RFC3: variants seen among roughly 807,000 people sequenced by gnomAD.
RFC3 encodes replication factor C subunit 3.
Under a neutral mutation model 45.1 loss-of-function variants are expected in RFC3, and 41 were observed. The observed-to-expected ratio is 0.91, with a 90% CI of 0.71 to 1.18. RFC3 has a LOEUF of 1.18. Ranked by LOEUF, RFC3 falls within the 50% of genes most tolerant of loss-of-function variation. The pLI, the probability that RFC3 is intolerant of heterozygous loss-of-function variation, is 0.00. For missense variants in RFC3, 423 were observed against 428.1 expected (o/e 0.99, Z 0.10); for synonymous variants, 149 against 144.0 (o/e 1.03, Z -0.25).
intron 8 of RFC3, among the ~76,000 whole-genome samples, chr13:33,869,615 A>T (rs1340349843): frequency 6.6e-6 from 1 of 152,122 alleles, no homozygotes; most frequent in Non-Finnish European, 1.5e-5. Flanking sequence ...CTCCAGTGTG[A>T]GTTCTTTGCC....
chr13:33,827,742 T>C (rs982605596), intron 4 of RFC3, among the ~76,000 whole-genome samples: 8 of 152,334 alleles, frequency 5.3e-5, no homozygotes, highest in Admixed American at 5.2e-4. Context: ...TCCATAAAGA[T>C]GTTATTCTGC....
intron 8 of RFC3, among the ~76,000 whole-genome samples, chr13:33,924,972 G>A (rs932616258): frequency 6.7e-6 from 1 of 149,940 alleles, no homozygotes; most frequent in African/African-American, 2.4e-5. Flanking sequence ...CTTAATCATG[G>A]GTGAGGTGAT....
At chr13:33,868,675 C>T (rs1451453799) in intron 8 of RFC3, among the ~76,000 whole-genome samples, 2 of 152,204 alleles carry the variant, frequency 1.3e-5, no homozygotes, top group East Asian at 3.9e-4. Context: ...AATTCTGTAA[C>T]CAGTGCTCTT....
intron 8 of RFC3, among the ~76,000 whole-genome samples, chr13:33,901,073 C>A (rs1363444709): frequency 6.6e-6 from 1 of 151,746 alleles, no homozygotes; most frequent in Admixed American, 6.6e-5. Context: ...GAGAGGGGGA[C>A]CCCTTATACG....
At chr13:33,917,852 G>T (rs1471777914) in intron 8 of RFC3, among the ~76,000 whole-genome samples, 1 of 151,444 alleles carries the variant, frequency 6.6e-6, no homozygotes, top group Non-Finnish European at 1.5e-5. Context: ...CTTGAATTTT[G>T]TTTAAAAAAA....
chr13:33,939,207 A>C (rs2082908437), intron 8 of RFC3, among the ~76,000 whole-genome samples: 1 of 152,184 alleles, frequency 6.6e-6, no homozygotes, highest in Non-Finnish European at 1.5e-5. Context: ...TTGATGAACA[A>C]ATATTTTTAA....
At chr13:33,827,212 C>G (rs1441908084) in intron 4 of RFC3, among the ~76,000 whole-genome samples, 1 of 152,040 alleles carries the variant, frequency 6.6e-6, no homozygotes, top group Non-Finnish European at 1.5e-5. Flanking sequence ...TTGCTTGAGC[C>G]CAGGAATTCA....
chr13:33,964,209 G>A (rs1438092165), intron 8 of RFC3, among the ~76,000 whole-genome samples: 3 of 152,162 alleles, frequency 2.0e-5, no homozygotes, highest in Non-Finnish European at 4.4e-5. Flanking sequence ...AGGCAATACC[G>A]TTATTGTTTT....
chr13:33,953,449 A>G (rs1490327371), intron 8 of RFC3, among the ~76,000 whole-genome samples: 4 of 152,114 alleles, frequency 2.6e-5, no homozygotes. Flanking sequence ...ATAATGAGAA[A>G]AGTTAAAGCC....
intron 8 of RFC3, among the ~76,000 whole-genome samples, chr13:33,876,987 C>G (rs1392286308): frequency 1.3e-5 from 2 of 152,206 alleles, no homozygotes; most frequent in Non-Finnish European, 2.9e-5. Context: ...TCTTTTTTCA[C>G]TATAACACTT....
chr13:33,934,989 C>G (rs1295779724), intron 8 of RFC3, among the ~76,000 whole-genome samples: 1 of 152,086 alleles, frequency 6.6e-6, no homozygotes, highest in Non-Finnish European at 1.5e-5. Flanking sequence ...ATGAAGACTG[C>G]CTGAAACTCT....
intron 8 of RFC3, among the ~76,000 whole-genome samples, chr13:33,937,065 A>G (rs780592862): frequency 6.6e-5 from 10 of 152,176 alleles, no homozygotes; most frequent in Non-Finnish European, 1.3e-4. Flanking sequence ...TGTATACTAA[A>G]TCATCAGGTT....
intron 8 of RFC3, among the ~76,000 whole-genome samples, chr13:33,931,072 G>A (rs1358671453): frequency 2.0e-5 from 3 of 151,998 alleles, no homozygotes; most frequent in Admixed American, 2.0e-4. Flanking sequence ...GGACTTAGAT[G>A]CTATTAATGT....
At chr13:33,903,122 C>A (rs936589074) in intron 8 of RFC3, among the ~76,000 whole-genome samples, 7 of 152,012 alleles carry the variant, frequency 4.6e-5, no homozygotes, top group Non-Finnish European at 1.5e-5. Flanking sequence ...CAATCCAACC[C>A]CTGCCAAGCT....
chr13:33,948,252 G>A (rs1230030933), intron 8 of RFC3, among the ~76,000 whole-genome samples: 1 of 152,200 alleles, frequency 6.6e-6, no homozygotes, highest in Admixed American at 6.5e-5. Context: ...GTACAGCTCA[G>A]GCCATTGCTT....
chr13:33,925,709 A>G (rs2082807448), intron 8 of RFC3, among the ~76,000 whole-genome samples: 1 of 151,472 alleles, frequency 6.6e-6, no homozygotes, highest in Non-Finnish European at 1.5e-5. Flanking sequence ...ACACACACAC[A>G]TATACATATA....
intron 8 of RFC3, among the ~76,000 whole-genome samples, chr13:33,952,741 G>A (rs935107638): frequency 2.0e-5 from 3 of 152,182 alleles, no homozygotes; most frequent in Non-Finnish European, 4.4e-5. Flanking sequence ...AACAACCTGT[G>A]TGGCATTCTT....
chr13:33,935,071 C>T (rs1217420959), intron 8 of RFC3, among the ~76,000 whole-genome samples: 1 of 152,068 alleles, frequency 6.6e-6, no homozygotes, highest in Non-Finnish European at 1.5e-5. Flanking sequence ...TGGATCATGT[C>T]AAGGTCCAAA....
chr13:33,909,815 A>G (rs1357382970), intron 8 of RFC3, among the ~76,000 whole-genome samples: 1 of 152,082 alleles, frequency 6.6e-6, no homozygotes, highest in Non-Finnish European at 1.5e-5. Context: ...GACATCTCGT[A>G]GGAAAGATTG....
Sources: allele counts gnomAD v4.1 joint callset (sites outside exome capture counted in the v4.1 genomes callset), GRCh38; gene constraint gnomAD v4.1.1; transcripts MANE v1.5; gene names NCBI Gene and HGNC (gene_info 2026-07-23, HGNC 2026-07-21).